Variants in KCNB2 observed in about 807,000 individuals in gnomAD.
The protein encoded by KCNB2 is potassium voltage-gated channel subfamily B member 2.
KCNB2 carries 15 observed loss-of-function variants against 61.5 expected under a neutral mutation model. That is an observed-to-expected ratio of 0.24 (90% CI 0.16 to 0.38). The LOEUF (loss-of-function observed/expected upper bound fraction) is 0.38, where lower values mean the gene tolerates loss of function less well. Ranked by LOEUF, KCNB2 falls within the 10% of genes least tolerant of loss-of-function variation. The pLI, the probability that KCNB2 is intolerant of heterozygous loss-of-function variation, is 1.00. For synonymous variants in KCNB2, 457 were observed against 446.0 expected (o/e 1.02, Z -0.31); for missense variants, 828 against 1,125.2 (o/e 0.74, Z 3.78).
intron 2 of KCNB2, among the ~76,000 whole-genome samples, chr8:72,827,024 T>G (rs1167371572): frequency 2.6e-5 from 4 of 152,228 alleles, no homozygotes; most frequent in Non-Finnish European, 5.9e-5. Context: ...ATCGTCATCT[T>G]TTGACTGGCC....
At chr8:72,836,800 A>G (rs1809790427) in intron 2 of KCNB2, among the ~76,000 whole-genome samples, 1 of 152,172 alleles carries the variant, frequency 6.6e-6, no homozygotes, top group Non-Finnish European at 1.5e-5. Flanking sequence ...AGTCCCAGCT[A>G]CTTAGGGGGA....
chr8:72,730,986 C>T (rs934706654), intron 2 of KCNB2, among the ~76,000 whole-genome samples: 16 of 152,254 alleles, frequency 1.1e-4, no homozygotes, highest in South Asian at 2.1e-4. Flanking sequence ...CATGGTTAAC[C>T]GTTCTTCCTA....
At chr8:72,915,071 A>AT (rs1422899822) in intron 2 of KCNB2, among the ~76,000 whole-genome samples, 29 of 151,580 alleles carry the variant, frequency 1.9e-4, no homozygotes, top group East Asian at 9.8e-4. Context: ...TGCCCCGCTA[A>AT]TTTTTTTTGT....
chr8:72,592,104 T>C (rs572853502), intron 2 of KCNB2, among the ~76,000 whole-genome samples: 1 of 152,136 alleles, frequency 6.6e-6, no homozygotes, highest in Non-Finnish European at 1.5e-5. Context: ...GTGAGCCAAA[T>C]TGAAAGATTC....
At chr8:72,576,197 G>C (rs2128979793) in intron 2 of KCNB2, among the ~76,000 whole-genome samples, 1 of 152,310 alleles carries the variant, frequency 6.6e-6, no homozygotes, top group Middle Eastern at 3.4e-3. Context: ...TTGGTGGTTT[G>C]ATTCTATTTG....
chr8:72,638,149 G>A (rs921971317), intron 2 of KCNB2, among the ~76,000 whole-genome samples: 8 of 152,024 alleles, frequency 5.3e-5, no homozygotes, highest in African/African-American at 1.4e-4. Flanking sequence ...CCCCACCATC[G>A]TAGAGTCCAG....
chr8:72,557,067 C>T (rs1377495396), intron 1 of KCNB2, among the ~76,000 whole-genome samples: 4 of 152,110 alleles, frequency 2.6e-5, no homozygotes, highest in Non-Finnish European at 5.9e-5. Context: ...GACCTAATCA[C>T]TCCCAAAAGG....
intron 2 of KCNB2, among the ~76,000 whole-genome samples, chr8:72,841,522 G>A (rs1809887417): frequency 6.6e-6 from 1 of 151,950 alleles, no homozygotes; most frequent in Admixed American, 6.6e-5. Flanking sequence ...ATTACTTCAG[G>A]CAGTATGGCC....
At chr8:72,584,034 G>A (rs979617464) in intron 2 of KCNB2, among the ~76,000 whole-genome samples, 2 of 149,710 alleles carry the variant, frequency 1.3e-5, no homozygotes, top group East Asian at 3.9e-4. Context: ...GAATGCCAGT[G>A]GTGGTAGGTT....
At chr8:72,863,816 C>A (rs2129004225) in intron 2 of KCNB2, among the ~76,000 whole-genome samples, 1 of 152,290 alleles carries the variant, frequency 6.6e-6, no homozygotes, top group South Asian at 2.1e-4. Flanking sequence ...TCAGGACCAG[C>A]CTGGGCAACA....
intron 2 of KCNB2, among the ~76,000 whole-genome samples, chr8:72,780,769 C>CT (rs1808740169): frequency 6.6e-6 from 1 of 152,144 alleles, no homozygotes; most frequent in Non-Finnish European, 1.5e-5. Flanking sequence ...AATGATATTT[C>CT]TGGTTCTAGG....
At chr8:72,814,955 T>C (rs769226658) in intron 2 of KCNB2, among the ~76,000 whole-genome samples, 1 of 152,172 alleles carries the variant, frequency 6.6e-6, no homozygotes, top group Non-Finnish European at 1.5e-5. Flanking sequence ...ATACAGTTAT[T>C]AAAGAGAAAC....
At chr8:72,679,276 A>G (rs1292629757) in intron 2 of KCNB2, among the ~76,000 whole-genome samples, 1 of 152,234 alleles carries the variant, frequency 6.6e-6, no homozygotes, top group Non-Finnish European at 1.5e-5. Context: ...AATAGTATGG[A>G]CAGTGTTCTT....
chr8:72,613,078 A>G (rs1422354740), intron 2 of KCNB2, among the ~76,000 whole-genome samples: 9 of 152,178 alleles, frequency 5.9e-5, no homozygotes, highest in African/African-American at 2.2e-4. Flanking sequence ...ACAATGGCTC[A>G]AGAACTGCCC....
rs1806065268 is a variant in KCNB2 at position 72,642,104 on chromosome 8, G to A, written c.579+73791G>A. Among the ~76,000 whole-genome samples the A allele has an allele frequency of 2.0e-5, 3 of 152,202 alleles. No homozygotes were observed. In the South Asian group the frequency reaches 6.2e-4, roughly 32 times the overall value. On this transcript the variant is annotated intron_variant, in intron 2 of 2. Transcript: ENST00000523207. ...AGACTGATCGACGTTGTTCAGTATGGCAGGTGGCCTCTAGCTACGTGTGGC... is the reference window on the plus strand; with the variant it reads ...AGACTGATCGACGTTGTTCAGTATGACAGGTGGCCTCTAGCTACGTGTGGC...
At chr8:72,544,747 T>G (rs1806235629) in intron 1 of KCNB2, among the ~76,000 whole-genome samples, 1 of 152,214 alleles carries the variant, frequency 6.6e-6, no homozygotes, top group South Asian at 2.1e-4. Context: ...AGAGTGGACA[T>G]TTAATTTTTG....
In KCNB2 at chr8:72,936,408, C is replaced by T. The variant is rs1212630025; in HGVS notation, c.1053C>T (p.Ser351=). The T allele has an allele frequency of 1.9e-6, 3 of 1,614,018 alleles. No individual in the cohort carries two copies. Among genetic ancestry groups the T allele is most frequent in the Non-Finnish European group, 1.7e-6 (2 of 1,180,022 alleles). ...CCATGGGGATAATGATATTTTCCAG[C>T]CTGGTATTTTTTGCTGAGAAGGATG... ...FLAMGIMIFS[S]LVFFAEKDED... Residue 351 remains serine, a synonymous_variant, in exon 3 of 3, where the codon AGC becomes AGT. Transcript: ENST00000523207. This position sits in a 1 kb window ranked among gnomAD's most constrained non-coding sequence, Gnocchi z 5.6.
At chr8:72,667,838 G>A (rs575088383) in intron 2 of KCNB2, among the ~76,000 whole-genome samples, 1 of 152,254 alleles carries the variant, frequency 6.6e-6, no homozygotes, top group South Asian at 2.1e-4. Flanking sequence ...ACGGAGTCTT[G>A]TTGCACTTAA....
intron 1 of KCNB2, among the ~76,000 whole-genome samples, chr8:72,565,010 G>T (rs1806602343): frequency 6.6e-6 from 1 of 152,012 alleles, no homozygotes; most frequent in African/African-American, 2.4e-5. Flanking sequence ...ACATGAAATA[G>T]ATACTATTAT....
Sources: gnomAD v4.1 joint callset for allele counts (sites outside exome capture counted in the v4.1 genomes callset) on GRCh38, gnomAD v4.1.1 for gene constraint, Gnocchi (gnomAD v3.1) non-coding constraint, MANE v1.5 for transcripts, NCBI Gene and HGNC (gene_info 2026-07-23, HGNC 2026-07-21) for gene names.